SFXN5: variants seen among roughly 807,000 people sequenced by gnomAD.
SFXN5 encodes sideroflexin-5.
Under a neutral mutation model 50.2 loss-of-function variants are expected in SFXN5, and 43 were observed. That is an observed-to-expected ratio of 0.86 (90% CI 0.67 to 1.11). The LOEUF (loss-of-function observed/expected upper bound fraction) is 1.11. Ranked by LOEUF, SFXN5 falls within the 50% of genes least tolerant of loss-of-function variation. The pLI, the probability that SFXN5 is intolerant of heterozygous loss-of-function variation, is 0.00. For synonymous variants in SFXN5, 203 were observed against 185.8 expected (o/e 1.09, Z -0.75); for missense variants, 463 against 454.1 (o/e 1.02, Z -0.18).
At chr2:72,987,323 T>C (rs1672037090) in intron 10 of SFXN5, among the ~76,000 whole-genome samples, 1 of 151,576 alleles carries the variant, frequency 6.6e-6, no homozygotes, top group Non-Finnish European at 1.5e-5. Context: ...TTGGCAAGGA[T>C]GGTCTTGATC....
chr2:72,982,135 T>C lies in SFXN5; in HGVS notation c.625+6123A>G, dbSNP rs144206142. ...ATCAACATTTAGTAGGTGCTCATGC[T>C]ACGCTGGGAAATTGACATGTTCAAT... On this transcript the variant is annotated intron_variant, in intron 10 of 13. Coordinates refer to ENST00000272433, the MANE Select transcript of SFXN5 (RefSeq NM_144579.3). Among the ~76,000 whole-genome samples, 1,095 of 152,312 alleles carry C rather than the reference T, an allele frequency of 7.2e-3. 8 individuals carry two copies. The highest frequency in any genetic ancestry group is 0.025 in the African/African-American group (1,025 of 41,570).
At chr2:73,000,531 TC>T (rs36093719) in intron 7 of SFXN5, 44 bp from the exon 8 acceptor site, 2 of 1,545,060 alleles carry the variant, frequency 1.3e-6, no homozygotes, top group Non-Finnish European at 1.8e-6. Context: ...AGTGGTCACC[TC>T]CCTGGAAGCC....
At chr2:73,064,396 G>C (rs1037246249) in intron 1 of SFXN5, among the ~76,000 whole-genome samples, 6 of 152,210 alleles carry the variant, frequency 3.9e-5, no homozygotes, top group African/African-American at 1.4e-4. Context: ...CCAGGCATCA[G>C]TGTCTATTTT....
chr2:73,045,065 C>T (rs780215645), intron 2 of SFXN5, among the ~76,000 whole-genome samples: 3 of 152,210 alleles, frequency 2.0e-5, no homozygotes, highest in Admixed American at 6.5e-5. Flanking sequence ...TTGGAGAGAC[C>T]AGGCCCTGTT....
rs148273570 is a variant in SFXN5 at position 73,034,887 on chromosome 2, T to C, written c.249+5967A>G. 2.5e-4 allele frequency among the ~76,000 whole-genome samples: 38 copies of C among 152,326 alleles called. 1 individual carries two copies. In the East Asian group the frequency reaches 7.3e-3, roughly 29 times the overall value. ...CTCTGCCTGGTTTTCAAAGACTTTCTCAATCTGGCCTGTAACCTCCAACTT... is the reference window on the plus strand; with the variant it reads ...CTCTGCCTGGTTTTCAAAGACTTTCCCAATCTGGCCTGTAACCTCCAACTT... On this transcript the variant is annotated intron_variant, in intron 3 of 13. Coordinates refer to ENST00000272433, the MANE Select transcript of SFXN5 (RefSeq NM_144579.3).
intron 2 of SFXN5, among the ~76,000 whole-genome samples, chr2:73,047,553 T>C (rs2105963209): frequency 6.6e-6 from 1 of 151,590 alleles, no homozygotes; most frequent in South Asian, 2.1e-4. Flanking sequence ...CATGGGGCAA[T>C]TTCCCCCATA....
Position 72,960,734 on chromosome 2 carries a change from G to A in SFXN5, c.945+397C>T, listed in dbSNP as rs1339066601. ...TTTGGTCAGCTCTTGGACATGGCGT[G>A]TGCTGCCTCACCTCTCAGAACCTTC... is the stretch of plus-strand genomic sequence containing the variant. On this transcript the variant is annotated intron_variant, in intron 13 of 13. Coordinates refer to ENST00000272433, the MANE Select transcript of SFXN5 (RefSeq NM_144579.3). This position sits in a 1 kb window ranked among gnomAD's most constrained non-coding sequence, Gnocchi z 6.1. Among the ~76,000 whole-genome samples the A allele has an allele frequency of 6.6e-6, 1 of 152,132 alleles. No homozygotes were observed. The highest frequency in any genetic ancestry group is 1.9e-4 in the East Asian group (1 of 5,184).
rs568252225 is a variant in SFXN5, at chr2:73,021,787, G to A, written c.331+735C>T. Among the ~76,000 whole-genome samples, 3 of 152,336 alleles carry A rather than the reference G, an allele frequency of 2.0e-5. No homozygotes were observed. In the South Asian group the frequency reaches 6.2e-4, roughly 32 times the overall value. ...GCCCCATTGCACTGAGAAATGGCAA[G>A]AAGGAGGCGTCAGCACACCCATGAG... is the stretch of plus-strand genomic sequence containing the variant. On this transcript the variant is annotated intron_variant, in intron 5 of 13. Coordinates refer to ENST00000272433, the MANE Select transcript of SFXN5 (RefSeq NM_144579.3).
At chr2:73,038,168 T>A (rs921788364) in intron 3 of SFXN5, among the ~76,000 whole-genome samples, 6 of 152,372 alleles carry the variant, frequency 3.9e-5, no homozygotes, top group Admixed American at 6.5e-5. Context: ...AGGTAGAGCC[T>A]ACTGCTCCCT....
At chr2:72,970,902 G>A (rs1404716209) in intron 11 of SFXN5, among the ~76,000 whole-genome samples, 1 of 152,134 alleles carries the variant, frequency 6.6e-6, no homozygotes, top group African/African-American at 2.4e-5. Flanking sequence ...TGGCCAGGCT[G>A]GTCTCGAACT....
chr2:73,002,625 C>A (rs756191705), intron 6 of SFXN5, among the ~76,000 whole-genome samples: 34 of 152,300 alleles, frequency 2.2e-4, no homozygotes, highest in Non-Finnish European at 2.4e-4. Context: ...TAGACATCCC[C>A]AGCAGCATTA....
chr2:72,959,006 C>G (rs533533790), intron 13 of SFXN5, among the ~76,000 whole-genome samples: 2 of 152,264 alleles, frequency 1.3e-5, no homozygotes, highest in Admixed American at 1.3e-4. Context: ...TCCTCCTGCT[C>G]TAAGAGCCTG....
At chr2:73,041,077 T>C (rs1406037572) in intron 2 of SFXN5, 146 bp from the exon 3 acceptor site, 4 of 557,568 alleles carry the variant, frequency 7.2e-6, no homozygotes, top group African/African-American at 1.9e-5. Context: ...CAAAATCATA[T>C]AGAAATACCA....
At chr2:73,035,793 C>T (rs1574185423) in intron 3 of SFXN5, among the ~76,000 whole-genome samples, 1 of 152,116 alleles carries the variant, frequency 6.6e-6, no homozygotes, top group Admixed American at 6.5e-5. Flanking sequence ...AGACACCACG[C>T]TTGGCTGGTA....
chr2:73,052,356 A>ATGCG (rs765771166), intron 2 of SFXN5, among the ~76,000 whole-genome samples: 1 of 74,534 alleles, frequency 1.3e-5, no homozygotes, highest in African/African-American at 7.9e-5. Flanking sequence ...GTGTGTGTGT[A>ATGCG]TGCGTGTGTG....
At chr2:72,967,765 C>T (rs1441534654) in intron 12 of SFXN5, among the ~76,000 whole-genome samples, 2 of 152,130 alleles carry the variant, frequency 1.3e-5, no homozygotes, top group Non-Finnish European at 2.9e-5. Flanking sequence ...CTCCCCTGCC[C>T]CCTGCCTTCT....
intron 3 of SFXN5, among the ~76,000 whole-genome samples, chr2:73,036,963 C>A (rs1173138038): frequency 6.6e-6 from 1 of 152,218 alleles, no homozygotes; most frequent in Non-Finnish European, 1.5e-5. Context: ...TTCAGATGGG[C>A]CCCATGTAAG....
At chr2:73,056,685 C>G (rs541029573) in intron 2 of SFXN5, among the ~76,000 whole-genome samples, 42 of 80,866 alleles carry the variant, frequency 5.2e-4, no homozygotes, top group Non-Finnish European at 9.8e-4. Flanking sequence ...AACTCCGTCT[C>G]AAAAAAAAAA....
intron 10 of SFXN5, among the ~76,000 whole-genome samples, chr2:72,977,908 G>A: frequency 6.7e-6 from 1 of 148,318 alleles, no homozygotes; most frequent in Admixed American, 6.8e-5. Context: ...AGGAGGCGGA[G>A]ACTGCAGTGA....
Sources: gnomAD v4.1 joint callset for allele counts (sites outside exome capture counted in the v4.1 genomes callset) on GRCh38, gnomAD v4.1.1 for gene constraint, Gnocchi (gnomAD v3.1) non-coding constraint, MANE v1.5 for transcripts, NCBI Gene and HGNC (gene_info 2026-07-23, HGNC 2026-07-21) for gene names.